Variants in SNX9 observed in about 807,000 individuals in gnomAD.
SNX9 encodes the protein sorting nexin 9, also known as sorting nexin-9.
SNX9 carries 44 observed loss-of-function variants against 89.4 expected under a neutral mutation model. The observed-to-expected ratio is 0.49, with a 90% CI of 0.39 to 0.63. The LOEUF (loss-of-function observed/expected upper bound fraction) is 0.63, where lower values mean the gene tolerates loss of function less well. Ranked by LOEUF, SNX9 falls within the 30% of genes least tolerant of loss-of-function variation. The pLI is 0.00. For synonymous variants in SNX9, 236 were observed against 247.8 expected, an observed-to-expected ratio of 0.95 and a Z score of 0.45; for missense variants, 578 against 736.1, an observed-to-expected ratio of 0.79 and a Z score of 2.49.
At chr6:157,901,275 T>C (rs1424293190) in intron 5 of SNX9, among the ~76,000 whole-genome samples, 2 of 152,250 alleles carry the variant, frequency 1.3e-5, no homozygotes, top group African/African-American at 4.8e-5. Flanking sequence ...GGGGTCTCCC[T>C]ACACCAGCCC....
At chr6:157,899,275 C>G (rs141550181) in intron 5 of SNX9, among the ~76,000 whole-genome samples, 226 of 152,250 alleles carry the variant, frequency 1.5e-3, no homozygotes, top group African/African-American at 5.2e-3. Context: ...CTTCTCTCCC[C>G]TTTATTGTTA....
intron 6 of SNX9, 105 bp from the exon 7 acceptor site, chr6:157,906,023 C>G: frequency 3.3e-6 from 3 of 909,662 alleles, no homozygotes; most frequent in Middle Eastern, 2.5e-4. Context: ...CTAGTGCACC[C>G]GAAAGACAGG....
intron 4 of SNX9, among the ~76,000 whole-genome samples, chr6:157,889,516 GAA>G (rs797003443): frequency 5.3e-5 from 8 of 150,320 alleles, no homozygotes; most frequent in African/African-American, 2.0e-4. Context: ...CTTAGGTTTT[GAA>G]AAAAGTCAAG....
chr6:157,871,017 C>T (rs933303919), intron 2 of SNX9, among the ~76,000 whole-genome samples: 4 of 152,354 alleles, frequency 2.6e-5, no homozygotes, highest in South Asian at 4.1e-4. Context: ...GAATGAGGAA[C>T]GGCAGAAGTG....
Position 157,844,592 on chromosome 6 carries a change from T to TTTG in SNX9, c.12+21148_12+21149insGTT, listed in dbSNP as rs199999075. 1.9e-3 allele frequency among the ~76,000 whole-genome samples: 265 copies of TTTG among 137,538 alleles called. 4 individuals are homozygous for TTTG. The highest frequency in any genetic ancestry group is 9.8e-3 in the East Asian group (49 of 4,982). The allele number at this position is 137,538 out of a possible 152,430, so 90.2% of individuals were successfully genotyped here. On this transcript the variant is annotated intron_variant, in intron 1 of 17. Transcript: ENST00000392185. ...TAATCTTGTGGCTAATCCTTGTTTT[T>TTTG]TTTTTTTGTTTTTTTTTTTGAGACA...
intron 1 of SNX9, among the ~76,000 whole-genome samples, chr6:157,855,761 C>T (rs1781998067): frequency 1.3e-5 from 2 of 152,098 alleles, no homozygotes; most frequent in African/African-American, 2.4e-5. Flanking sequence ...GATGGAGTTT[C>T]GCTCTTGTTG....
chr6:157,858,990 C>T (rs998015492), intron 1 of SNX9, among the ~76,000 whole-genome samples: 2 of 152,160 alleles, frequency 1.3e-5, no homozygotes, highest in Admixed American at 6.5e-5. Context: ...CACATACTCT[C>T]CATTTTTTCC....
intron 1 of SNX9, among the ~76,000 whole-genome samples, chr6:157,844,440 G>A (rs990616743): frequency 1.4e-5 from 2 of 142,868 alleles, no homozygotes; most frequent in Non-Finnish European, 1.5e-5. Context: ...TTTATTGATC[G>A]GGGTGGTGCC....
chr6:157,873,276 A>G, intron 3 of SNX9, 100 bp downstream of exon 3: 1 of 758,162 alleles, frequency 1.3e-6, no homozygotes, highest in South Asian at 3.0e-5. Context: ...TTGCAAAACA[A>G]AATTTCCATT....
chr6:157,823,753 CG>C lies in SNX9; in HGVS notation c.12+310del, dbSNP rs1489150951. Among the ~76,000 whole-genome samples, 1 of 151,764 alleles carries C rather than the reference CG, an allele frequency of 6.6e-6. No individual in the cohort carries two copies. On this transcript the variant is annotated intron_variant, in intron 1 of 17. Transcript: ENST00000392185. The surrounding 1 kb of genome is among the most constrained non-coding windows in gnomAD (Gnocchi z 4.6). Reference sequence around the variant, plus strand: ...TGAGCGTGGGCTGCGGCGGGCTCGCCGGGAGGGGCCGCGGGACGGAAACTTC... The same window carrying C: ...TGAGCGTGGGCTGCGGCGGGCTCGCCGGAGGGGCCGCGGGACGGAAACTTC...
chr6:157,828,438 C>T (rs1356734043), intron 1 of SNX9, among the ~76,000 whole-genome samples: 1 of 151,988 alleles, frequency 6.6e-6, no homozygotes, highest in Non-Finnish European at 1.5e-5. Flanking sequence ...TGCTGTTCTC[C>T]CTTGTCCTTC....
chr6:157,859,592 CT>C (rs1387885542), intron 1 of SNX9, among the ~76,000 whole-genome samples: 1 of 152,164 alleles, frequency 6.6e-6, no homozygotes, highest in East Asian at 1.9e-4. Context: ...AAAAATGTTA[CT>C]TTCGTATATA....
At chr6:157,936,265 A>G (rs141976519) in intron 14 of SNX9, among the ~76,000 whole-genome samples, 183 of 152,286 alleles carry the variant, frequency 1.2e-3, no homozygotes, top group African/African-American at 4.3e-3. Flanking sequence ...AGTGGCTCAC[A>G]CCTGTAATCT....
At chr6:157,924,996 G>A (rs1000509051) in intron 10 of SNX9, among the ~76,000 whole-genome samples, 1 of 152,170 alleles carries the variant, frequency 6.6e-6, no homozygotes, top group African/African-American at 2.4e-5. Context: ...GAGCAGGGAA[G>A]AATTTCTGAA....
At position 157,855,892 on chromosome 6, in the gene SNX9, A is replaced by G. The variant is rs12196286; in HGVS notation, c.13-11655A>G. Among the ~76,000 whole-genome samples, 646 of 152,192 alleles carry G rather than the reference A, an allele frequency of 4.2e-3. 7 individuals are homozygous for G. Among genetic ancestry groups the G allele is most frequent in the South Asian group, 0.016 (77 of 4,818 alleles). ...GTTGGGATTACAGGCAGCCACCACC[A>G]CGCCAAGCTAATATTTTTTTGTTTT... On this transcript the variant is annotated intron_variant, in intron 1 of 17. Transcript: ENST00000392185.
At chr6:157,838,247 A>G (rs1781623557) in intron 1 of SNX9, among the ~76,000 whole-genome samples, 1 of 151,766 alleles carries the variant, frequency 6.6e-6, no homozygotes, top group Non-Finnish European at 1.5e-5. Context: ...TCCTGGGCTC[A>G]AGCAGTCTGC....
chr6:157,832,459 C>G (rs957965421), intron 1 of SNX9, among the ~76,000 whole-genome samples: 1 of 152,224 alleles, frequency 6.6e-6, no homozygotes, highest in African/African-American at 2.4e-5. Flanking sequence ...CACAGTTCCT[C>G]AAGCCCAGAG....
chr6:157,898,341 G>A lies in SNX9; in HGVS notation c.472+1343G>A, dbSNP rs572218842. The stretch of plus-strand genomic sequence containing the variant: ...TGGTAAAGTAAAAGCAGAATGGGCG[G>A]TGGAGGCTGCAGAAGGCTGAGGGCC... On this transcript the variant is annotated intron_variant, in intron 5 of 17. Coordinates refer to ENST00000392185, the MANE Select transcript of SNX9 (RefSeq NM_016224.5). Among the ~76,000 whole-genome samples, 11 of 152,336 alleles carry A rather than the reference G, an allele frequency of 7.2e-5. No homozygotes were observed. In the South Asian group the frequency reaches 2.3e-3, roughly 32 times the overall value.
intron 9 of SNX9, among the ~76,000 whole-genome samples, chr6:157,911,502 G>A (rs900516371): frequency 6.6e-6 from 1 of 152,242 alleles, no homozygotes; most frequent in Non-Finnish European, 1.5e-5. Context: ...CTGCCGTGGA[G>A]TTTGTCCCAC....
Sources: allele counts gnomAD v4.1 joint callset (sites outside exome capture counted in the v4.1 genomes callset), GRCh38; gene constraint gnomAD v4.1.1; non-coding constraint Gnocchi (gnomAD v3.1); transcripts MANE v1.5; gene names NCBI Gene and HGNC (gene_info 2026-07-23, HGNC 2026-07-21).